Variants in INPP1 observed in about 807,000 individuals in gnomAD.
INPP1 encodes the protein inositol polyphosphate 1-phosphatase.
In INPP1, 18 loss-of-function variants were observed where a neutral mutation model predicts 23.0. The observed-to-expected ratio is 0.78, with a 90% CI of 0.54 to 1.16. INPP1 has a LOEUF of 1.16. Ranked by LOEUF, INPP1 falls within the 50% of genes most tolerant of loss-of-function variation. INPP1 has a pLI of 0.00. For synonymous variants in INPP1, 164 were observed against 176.3 expected, an observed-to-expected ratio of 0.93 and a Z score of 0.55; for missense variants, 448 against 482.1, an observed-to-expected ratio of 0.93 and a Z score of 0.66.
rs1689743182 is a variant in INPP1 at position 190,368,940 on chromosome 2, A to C, written c.467-163A>C. 2 of 426,786 alleles carry C rather than the reference A, an allele frequency of 4.7e-6. No homozygotes were observed. Among genetic ancestry groups the C allele is most frequent in the Admixed American group, 8.1e-5 (2 of 24,660 alleles). 26.4% of individuals were successfully genotyped at this position (426,786 alleles called of 1,614,324 possible). On this transcript the variant is annotated intron_variant, in intron 5 of 6. Coordinates refer to ENST00000392329, the MANE Select transcript of INPP1 (RefSeq NM_001128928.2). The surrounding 1 kb of genome is among the most constrained non-coding windows in gnomAD (Gnocchi z 4.3). ...ACAGTCAGGAAAATGAAACACAAGC[A>C]ATTTAAAAGTAAAGTACAAGAGGCC...
In INPP1 at chr2:190,369,957, G is replaced by A. The variant is rs1295989881; in HGVS notation, c.641+680G>A. On this transcript the variant is annotated intron_variant, in intron 6 of 6. Coordinates refer to ENST00000392329, the MANE Select transcript of INPP1 (RefSeq NM_001128928.2). ...AGGATTACATATTTTTATTGAACCT[G>A]AGCTGCTTCAAGTAACAATCATTTG... Among the ~76,000 whole-genome samples, 3 of 152,302 alleles carry A rather than the reference G, an allele frequency of 2.0e-5. No homozygotes were observed. In the East Asian group the frequency reaches 5.8e-4, roughly 29 times the overall value.
intron 2 of INPP1, among the ~76,000 whole-genome samples, chr2:190,351,094 TG>T (rs1307845610): frequency 6.6e-6 from 1 of 152,258 alleles, no homozygotes; most frequent in Non-Finnish European, 1.5e-5. Flanking sequence ...CAACATTTAT[TG>T]AACACCTCTG....
rs923641708 is a variant in INPP1 at position 190,345,949 on chromosome 2, G to A, written c.-209+1988G>A. Among the ~76,000 whole-genome samples, 3 of 152,270 alleles carry A rather than the reference G, an allele frequency of 2.0e-5. No individual in the cohort carries two copies. The highest frequency in any genetic ancestry group is 2.9e-5 in the Non-Finnish European group (2 of 68,024). On this transcript the variant is annotated intron_variant, in intron 1 of 6. Transcript: ENST00000392329. The surrounding 1 kb of genome is among the most constrained non-coding windows in gnomAD (Gnocchi z 4.9). ...TCAGAGGTTGCAGTGAGCCCAGATC[G>A]CGCCACTGCACTCCAGCCTGGGCGA...
At chr2:190,365,901 CTG>C (rs1689639402) in intron 4 of INPP1, among the ~76,000 whole-genome samples, 1 of 151,654 alleles carries the variant, frequency 6.6e-6, no homozygotes, top group South Asian at 2.1e-4. Flanking sequence ...GTCTCTTGCT[CTG>C]TCTCGCTCTC....
In INPP1 at chr2:190,368,018, G is replaced by A. The variant is rs184863459; in HGVS notation, c.467-1085G>A. Among the ~76,000 whole-genome samples, 1 of 152,176 alleles carries A rather than the reference G, an allele frequency of 6.6e-6. No individual in the cohort carries two copies. Among genetic ancestry groups the A allele is most frequent in the African/African-American group, 2.4e-5 (1 of 41,504 alleles). On this transcript the variant is annotated intron_variant, in intron 5 of 6. Coordinates refer to ENST00000392329, the MANE Select transcript of INPP1 (RefSeq NM_001128928.2). The surrounding 1 kb of genome is among the most constrained non-coding windows in gnomAD (Gnocchi z 4.3). ...TCTGGGCCCTTCCCATCCTACAAGT[G>A]CATTCACAGGATGATACTGAAATGG... is the stretch of plus-strand genomic sequence containing the variant.
In INPP1 at chr2:190,346,650, T is replaced by G. The variant is rs975738775; in HGVS notation, c.-208-2238T>G. ...CTTGAGAAAAGGTCACACTCTGTCA[T>G]CCAGGCTGGAGTACAGTGGTGTGAT... is the stretch of plus-strand genomic sequence containing the variant. On this transcript the variant is annotated intron_variant, in intron 1 of 6. Transcript: ENST00000392329. The surrounding 1 kb of genome is among the most constrained non-coding windows in gnomAD (Gnocchi z 5.1). 3.9e-5 allele frequency among the ~76,000 whole-genome samples: 6 copies of G among 152,242 alleles called. No individual in the cohort carries two copies. The South Asian group carries it at 1.2e-3, about 32-fold the overall frequency.
At position 190,343,875 on chromosome 2, in the gene INPP1, G is replaced by A; in HGVS notation, c.-295G>A. On this transcript the variant is annotated 5_prime_UTR_variant, in exon 1 of 7. Transcript: ENST00000392329. ...CCTCGCCTAACCTCGCGCCCGGGCCGCGCCTCCTCCTCCTCCTGCTCCCCG... is the reference window on the plus strand; with the variant it reads ...CCTCGCCTAACCTCGCGCCCGGGCCACGCCTCCTCCTCCTCCTGCTCCCCG... 1 of 172,130 alleles carries A rather than the reference G, an allele frequency of 5.8e-6. No individual in the cohort carries two copies. The highest frequency in any genetic ancestry group is 1.3e-5 in the Non-Finnish European group (1 of 78,688). The allele number at this position is 172,130 out of a possible 1,614,324, so 10.7% of individuals were successfully genotyped here.
chr2:190,369,545 G>A (rs1689758575), intron 6 of INPP1, among the ~76,000 whole-genome samples: 1 of 152,196 alleles, frequency 6.6e-6, no homozygotes, highest in South Asian at 2.1e-4. Flanking sequence ...TAGTAATCCT[G>A]TTCCCTGTTT....
At chr2:190,366,968 G>A in intron 5 of INPP1, 73 bp downstream of exon 5, 1 of 954,910 alleles carries the variant, frequency 1.0e-6, no homozygotes, top group Non-Finnish European at 1.6e-6. Context: ...ATGGGTGTTG[G>A]AAAAATAAAA....
At chr2:190,361,871 C>T (rs1689541536) in intron 3 of INPP1, among the ~76,000 whole-genome samples, 1 of 152,148 alleles carries the variant, frequency 6.6e-6, no homozygotes, top group Non-Finnish European at 1.5e-5. Context: ...TGACCGAGTT[C>T]AAATATTTGA....
At chr2:190,349,369 G>A (rs867348167) in intron 2 of INPP1, among the ~76,000 whole-genome samples, 14 of 152,168 alleles carry the variant, frequency 9.2e-5, no homozygotes, top group African/African-American at 2.9e-4. Context: ...CCTGGGAGGC[G>A]GAGGTTGCAG....
intron 2 of INPP1, chr2:190,359,543 T>A (rs1689491476): frequency 7.5e-6 from 1 of 133,400 alleles, no homozygotes; most frequent in Non-Finnish European, 1.5e-5. Flanking sequence ...GGTGACACAG[T>A]GAGACTCCGT....
At chr2:190,350,384 T>C (rs1689303479) in intron 2 of INPP1, among the ~76,000 whole-genome samples, 1 of 152,302 alleles carries the variant, frequency 6.6e-6, no homozygotes, top group African/African-American at 2.4e-5. Flanking sequence ...AGCTGACTGT[T>C]GCACCTGTTG....
intron 2 of INPP1, among the ~76,000 whole-genome samples, chr2:190,359,292 C>A (rs964863589): frequency 4.0e-5 from 6 of 149,768 alleles, no homozygotes; most frequent in Non-Finnish European, 8.9e-5. Context: ...AGAGTGAGAC[C>A]CTGTCTCAAA....
intron 4 of INPP1, 69 bp from the exon 5 acceptor site, chr2:190,366,626 T>G (rs1689681438): frequency 2.8e-6 from 3 of 1,059,526 alleles, no homozygotes; most frequent in African/African-American, 3.1e-5. Flanking sequence ...ACTCTTTAGC[T>G]CTCTCTCTCT....
At chr2:190,344,486 T>C (rs1248542813) in intron 1 of INPP1, among the ~76,000 whole-genome samples, 3 of 152,110 alleles carry the variant, frequency 2.0e-5, no homozygotes, top group Non-Finnish European at 4.4e-5. Context: ...ACTTGATGAG[T>C]GTGAAATAAA....
At chr2:190,364,422 G>A (rs1689597710) in intron 4 of INPP1, among the ~76,000 whole-genome samples, 1 of 151,608 alleles carries the variant, frequency 6.6e-6, no homozygotes, top group South Asian at 2.1e-4. Context: ...GGCGCCTGTA[G>A]TCCCAGATAC....
At position 190,346,815 on chromosome 2, in the gene INPP1, G is replaced by C. The variant is rs1169434694; in HGVS notation, c.-208-2073G>C. On this transcript the variant is annotated intron_variant, in intron 1 of 6. Transcript: ENST00000392329. This position sits in a 1 kb window ranked among gnomAD's most constrained non-coding sequence, Gnocchi z 5.1. ...AGATGGGGTCCCACTATGTTGCCCA[G>C]GTTGGTCTCAAACTCCTGGGCTCAT... Among the ~76,000 whole-genome samples, 2 of 151,738 alleles carry C rather than the reference G, an allele frequency of 1.3e-5. No homozygotes were observed. Among genetic ancestry groups the C allele is most frequent in the Non-Finnish European group, 1.5e-5 (1 of 67,956 alleles).
At chr2:190,348,000 T>G (rs1430780769) in intron 1 of INPP1, among the ~76,000 whole-genome samples, 1 of 152,184 alleles carries the variant, frequency 6.6e-6, no homozygotes, top group Admixed American at 6.5e-5. Flanking sequence ...TAGCTAGGTG[T>G]GGTAGCGCGT....
Sources: gnomAD v4.1 joint callset for allele counts (sites outside exome capture counted in the v4.1 genomes callset) on GRCh38, gnomAD v4.1.1 for gene constraint, Gnocchi (gnomAD v3.1) non-coding constraint, MANE v1.5 for transcripts, NCBI Gene and HGNC (gene_info 2026-07-23, HGNC 2026-07-21) for gene names.